Variants in CNTNAP3B observed in about 807,000 individuals in gnomAD.
CNTNAP3B encodes the protein contactin associated protein family member 3B, also known as contactin-associated protein-like 3B.
In CNTNAP3B, 25 loss-of-function variants were observed where a neutral mutation model predicts 108.9. The ratio of observed to expected loss-of-function variants is 0.23; its 90% CI spans 0.17 to 0.32. CNTNAP3B has a LOEUF of 0.32. Ranked by LOEUF, CNTNAP3B falls within the 10% of genes least tolerant of loss-of-function variation. The pLI is 1.00. For synonymous variants in CNTNAP3B, 103 were observed against 473.4 expected, an observed-to-expected ratio of 0.22 and a Z score of 10.16; for missense variants, 252 against 1,210.4, an observed-to-expected ratio of 0.21 and a Z score of 11.75.
At position 41,964,347 on chromosome 9, in the gene CNTNAP3B, G is replaced by A. The variant is rs1183313787; in HGVS notation, c.1756+191C>T. 1.5e-4 allele frequency among the ~76,000 whole-genome samples: 23 copies of A among 152,284 alleles called. No individual in the cohort carries two copies. The East Asian group carries it at 2.9e-3, about 19-fold the overall frequency. ...TTTTTTTCAATCCTATGCGTACCACGTATTTCTGTGCACTGTCTCAACACC... is the reference window on the plus strand; with the variant it reads ...TTTTTTTCAATCCTATGCGTACCACATATTTCTGTGCACTGTCTCAACACC... On this transcript the variant is annotated intron_variant, in intron 11 of 23. Coordinates refer to ENST00000377561, the MANE Select transcript of CNTNAP3B (RefSeq NM_001201380.3).
At chr9:41,934,198 T>TATATAC (rs1418666527) in intron 14 of CNTNAP3B, among the ~76,000 whole-genome samples, 34 of 116,702 alleles carry the variant, frequency 2.9e-4, no homozygotes, top group East Asian at 1.3e-3. Context: ...CATATATATA[T>TATATAC]ACATACACAC....
intron 11 of CNTNAP3B, among the ~76,000 whole-genome samples, chr9:41,963,475 G>A (rs1444067166): frequency 6.7e-6 from 1 of 150,060 alleles, no homozygotes; most frequent in African/African-American, 2.5e-5. Context: ...TTCACAGAGG[G>A]TGATTCTTCA....
chr9:42,036,147 C>G (rs1826624505), intron 3 of CNTNAP3B, among the ~76,000 whole-genome samples: 2 of 149,612 alleles, frequency 1.3e-5, no homozygotes, highest in African/African-American at 5.0e-5. Flanking sequence ...CTCAAGCACT[C>G]TTCCCATTTT....
intron 13 of CNTNAP3B, among the ~76,000 whole-genome samples, chr9:41,938,818 T>C (rs1422290305): frequency 2.0e-5 from 3 of 152,300 alleles, no homozygotes; most frequent in African/African-American, 4.8e-5. Flanking sequence ...TCATCCCATC[T>C]TTTTGCTAAC....
chr9:41,953,326 G>T lies in CNTNAP3B; in HGVS notation c.1937C>A (p.Ala646Asp), dbSNP rs548575165. 5 of 1,547,438 alleles carry T rather than the reference G, an allele frequency of 3.2e-6. No homozygotes were observed. Among genetic ancestry groups the T allele is most frequent in the East Asian group, 2.4e-5 (1 of 41,512 alleles). ...GGPDAVTLRGAPSGHPLSAVS... is the reference protein window; with the variant it reads ...GGPDAVTLRGDPSGHPLSAVS... Reference sequence around the variant, plus strand: ...AGCCGAGAGCGGGTGCCCGCTGGGGGCACCTCGGAGGGTCACCGCGTCGGG... The same window carrying T: ...AGCCGAGAGCGGGTGCCCGCTGGGGTCACCTCGGAGGGTCACCGCGTCGGG... The change falls in exon 13 of 24, where the codon GCC (alanine) becomes GAC (aspartate). Residue 646 changes from alanine to aspartate, a missense_variant. By Grantham distance (126) the Ala-to-Asp change is moderately radical. Coordinates refer to ENST00000377561, the MANE Select transcript of CNTNAP3B (RefSeq NM_001201380.3).
intron 14 of CNTNAP3B, among the ~76,000 whole-genome samples, chr9:41,931,224 G>A (rs1257520538): frequency 6.6e-6 from 1 of 152,256 alleles, no homozygotes; most frequent in African/African-American, 2.4e-5. Flanking sequence ...ACATATACTG[G>A]GGGCACATGT....
rs535912483 is a variant in CNTNAP3B at position 41,959,487 on chromosome 9, A to G, written c.1876+1286T>C. ...AACTTTTCTGAGCCTTGATTTCCTC[A>G]TCTTAAAATGATGACAACCAAGGTC... On this transcript the variant is annotated intron_variant, in intron 12 of 23. Coordinates refer to ENST00000377561, the MANE Select transcript of CNTNAP3B (RefSeq NM_001201380.3). 7.2e-5 allele frequency among the ~76,000 whole-genome samples: 11 copies of G among 152,396 alleles called. No homozygotes were observed. The East Asian group carries it at 1.4e-3, about 19-fold the overall frequency.
At position 42,031,774 on chromosome 9, in the gene CNTNAP3B, CA is replaced by C. The variant is rs1173385254; in HGVS notation, c.391-18250del. On this transcript the variant is annotated intron_variant, in intron 3 of 23. Coordinates refer to ENST00000377561, the MANE Select transcript of CNTNAP3B (RefSeq NM_001201380.3). ...AAAATGTGATAAATGTAAAACATTT[CA>C]GACAGCGCTTCACATGTAAACATTT... Among the ~76,000 whole-genome samples, 19 of 92,620 alleles carry C rather than the reference CA, an allele frequency of 2.1e-4. 6 individuals carry two copies. Among genetic ancestry groups the C allele is most frequent in the African/African-American group, 7.7e-4 (19 of 24,718 alleles). 60.8% of individuals were successfully genotyped at this position (92,620 alleles called of 152,430 possible). A position where few individuals can be genotyped will look rare whatever the true frequency, so the allele number is the denominator to read the frequency against.
At chr9:41,931,501 T>C (rs1256993436) in intron 14 of CNTNAP3B, among the ~76,000 whole-genome samples, 5 of 152,276 alleles carry the variant, frequency 3.3e-5, no homozygotes, top group Non-Finnish European at 7.3e-5. Context: ...AATATAAAAC[T>C]AAAATAAAAT....
In CNTNAP3B at chr9:41,979,041, G is replaced by T. The variant is rs970426829; in HGVS notation, c.1477+7127C>A. On this transcript the variant is annotated intron_variant, in intron 9 of 23. Coordinates refer to ENST00000377561, the MANE Select transcript of CNTNAP3B (RefSeq NM_001201380.3). ...GGTTCATCCCCAGGTGGGATGTGGG[G>T]TCAGGGAGGAACCCAGTAAACAGCC... 4.3e-5 allele frequency among the ~76,000 whole-genome samples: 6 copies of T among 138,748 alleles called. 1 individual carries two copies. Among genetic ancestry groups the T allele is most frequent in the African/African-American group, 1.4e-4 (5 of 34,750 alleles). 91.0% of individuals were successfully genotyped at this position (138,748 alleles called of 152,430 possible).
chr9:42,124,025 A>G (rs1828515445), intron 1 of CNTNAP3B, among the ~76,000 whole-genome samples: 1 of 134,064 alleles, frequency 7.5e-6, no homozygotes, highest in Non-Finnish European at 1.6e-5. Flanking sequence ...AATTCAAACC[A>G]CAGCCCAGGC....
At chr9:42,030,822 G>C in intron 3 of CNTNAP3B, among the ~76,000 whole-genome samples, 1 of 121,198 alleles carries the variant, frequency 8.3e-6, no homozygotes, top group Non-Finnish European at 1.7e-5. Flanking sequence ...AGGAGAGAGA[G>C]AGAGAGAGAG....
intron 15 of CNTNAP3B, among the ~76,000 whole-genome samples, chr9:41,925,509 C>T (rs1378367318): frequency 1.3e-5 from 2 of 152,382 alleles, no homozygotes; most frequent in African/African-American, 2.4e-5. Context: ...AGGAGAATGA[C>T]GTGAACCCGG....
At chr9:41,956,157 C>T (rs1315296806) in intron 12 of CNTNAP3B, among the ~76,000 whole-genome samples, 1 of 152,196 alleles carries the variant, frequency 6.6e-6, no homozygotes, top group Non-Finnish European at 1.5e-5. Flanking sequence ...GAGGCCGAGG[C>T]AGGCGGATTA....
chr9:41,934,218 CTTTTT>C (rs760498324), intron 14 of CNTNAP3B, among the ~76,000 whole-genome samples: 1 of 118,874 alleles, frequency 8.4e-6, no homozygotes. Flanking sequence ...CACACACATA[CTTTTT>C]TTTTTTTTTT....
At chr9:41,918,473 C>G (rs908331474) in intron 18 of CNTNAP3B, among the ~76,000 whole-genome samples, 2 of 145,152 alleles carry the variant, frequency 1.4e-5, no homozygotes, top group African/African-American at 5.3e-5. Flanking sequence ...TACACACACC[C>G]CCCAAATATA....
intron 11 of CNTNAP3B, among the ~76,000 whole-genome samples, 166 bp downstream of exon 11, chr9:41,964,372 C>T (rs1258626546): frequency 6.6e-6 from 1 of 152,238 alleles, no homozygotes; most frequent in Non-Finnish European, 1.5e-5. Context: ...GTCTCAACAC[C>T]CTTGTATTAA....
intron 2 of CNTNAP3B, among the ~76,000 whole-genome samples, chr9:42,087,670 A>G (rs1827733437): frequency 7.2e-6 from 1 of 139,678 alleles, no homozygotes; most frequent in African/African-American, 2.7e-5. Flanking sequence ...TAGAGAACAT[A>G]TTATCTCTCT....
rs1212051335 is a variant in CNTNAP3B, at chr9:42,070,302, G to A, written c.390+6567C>T. 6.0e-5 allele frequency among the ~76,000 whole-genome samples: 9 copies of A among 150,302 alleles called. No homozygotes were observed. In the South Asian group the frequency reaches 6.3e-4, roughly 11 times the overall value. ...TGTTGGATAAAGGGAAGCTGTACAC[G>A]AAGATGGAGAGATACAGAAGGAAAC... On this transcript the variant is annotated intron_variant, in intron 3 of 23. Transcript: ENST00000377561.
Sources: gnomAD v4.1 joint callset for allele counts (sites outside exome capture counted in the v4.1 genomes callset) on GRCh38, gnomAD v4.1.1 for gene constraint, MANE v1.5 for transcripts, NCBI Gene and HGNC (gene_info 2026-07-23, HGNC 2026-07-21) for gene names.